Variants in TUSC3 observed in about 807,000 individuals in gnomAD.
TUSC3 encodes the protein tumor suppressor candidate 3.
Under a neutral mutation model 44.8 loss-of-function variants are expected in TUSC3, and 45 were observed. That is an observed-to-expected ratio of 1.00 (90% CI 0.79 to 1.29). TUSC3 has a LOEUF of 1.29. Among genes scored for constraint, TUSC3 ranks in the 50% most tolerant of loss-of-function variants. The probability of loss-of-function intolerance (pLI) is 0.00; values close to 1 mark genes in which losing one functional copy is unlikely to be tolerated. For synonymous variants in TUSC3, 212 were observed against 152.9 expected (o/e 1.39, Z -2.85); for missense variants, 519 against 437.9 (o/e 1.19, Z -1.65).
At chr8:15,742,802 G>C (rs1002103319) in intron 7 of TUSC3, among the ~76,000 whole-genome samples, 1 of 152,148 alleles carries the variant, frequency 6.6e-6, no homozygotes, top group African/African-American at 2.4e-5. Flanking sequence ...CTTAAGAGTC[G>C]ACAATGTGAA....
intron 2 of TUSC3, among the ~76,000 whole-genome samples, chr8:15,647,375 T>G (rs1806679470): frequency 6.6e-6 from 1 of 152,186 alleles, no homozygotes; most frequent in Non-Finnish European, 1.5e-5. Flanking sequence ...TATTTGAACC[T>G]TGTCTCTTAT....
chr8:15,763,300 G>A (rs1024782636), intron 10 of TUSC3, among the ~76,000 whole-genome samples: 4 of 151,508 alleles, frequency 2.6e-5, no homozygotes, highest in East Asian at 3.9e-4. Flanking sequence ...TCAGAAAGAC[G>A]AAACAATTTA....
rs916838189 is a variant in TUSC3 at position 15,748,262 on chromosome 8, C to T, written c.938-113C>T. ...TACCTGTTTGTTGTACCTGTATGTA[C>T]CATGAACTGTTAAATGTAAGTATAC... On this transcript the variant is annotated intron_variant, in intron 8 of 10. Coordinates refer to ENST00000503731, the MANE Select transcript of TUSC3 (RefSeq NM_006765.4). 3.1e-5 allele frequency: 25 copies of T among 819,038 alleles called. 1 individual carries two copies. In the Middle Eastern group the frequency reaches 2.2e-3, roughly 72 times the overall value. 50.7% of individuals were successfully genotyped at this position (819,038 alleles called of 1,614,324 possible). A position where few individuals can be genotyped will look rare whatever the true frequency, so the allele number is the denominator to read the frequency against.
chr8:15,524,861 A>T (rs1443597252), intron 2 of TUSC3, among the ~76,000 whole-genome samples: 1 of 152,206 alleles, frequency 6.6e-6, no homozygotes, highest in East Asian at 1.9e-4. Flanking sequence ...TAAGCCAGAC[A>T]TTGGCAAAAA....
chr8:15,727,456 A>AT (rs1810543055), intron 6 of TUSC3, among the ~76,000 whole-genome samples: 1 of 152,094 alleles, frequency 6.6e-6, no homozygotes, highest in Non-Finnish European at 1.5e-5. Context: ...TAACTGCTGG[A>AT]TTTCTGTTGC....
chr8:15,668,466 C>T (rs1369445452), intron 5 of TUSC3, among the ~76,000 whole-genome samples: 1 of 151,622 alleles, frequency 6.6e-6, no homozygotes, highest in Non-Finnish European at 1.5e-5. Flanking sequence ...CTATGAAGAA[C>T]CATGTGGAGA....
At chr8:15,420,857 C>T (rs58900200) in intron 1 of TUSC3, among the ~76,000 whole-genome samples, 73 of 152,098 alleles carry the variant, frequency 4.8e-4, no homozygotes, top group African/African-American at 1.7e-3. Context: ...TATGTTGATT[C>T]GCTTCTCCCT....
chr8:15,800,775 C>T, the TUSC3 span, among the ~76,000 whole-genome samples: 87 of 152,186 alleles, frequency 5.7e-4, no homozygotes, highest in African/African-American at 2.0e-3. Flanking sequence ...GCTATAGTAA[C>T]ACCCTTTTTC....
At chr8:15,455,132 C>A (rs1169523177) in intron 1 of TUSC3, among the ~76,000 whole-genome samples, 1 of 152,068 alleles carries the variant, frequency 6.6e-6, no homozygotes, top group African/African-American at 2.4e-5. Flanking sequence ...TTTGCTTATC[C>A]CTACCATTGC....
intron 8 of TUSC3, among the ~76,000 whole-genome samples, chr8:15,747,006 G>C (rs1376341741): frequency 2.0e-5 from 3 of 151,900 alleles, no homozygotes; most frequent in East Asian, 3.9e-4. Flanking sequence ...CATGAGTGTT[G>C]TCTGAAATGA....
At chr8:15,603,702 C>T (rs777811576) in intron 1 of TUSC3, among the ~76,000 whole-genome samples, 1 of 151,424 alleles carries the variant, frequency 6.6e-6, no homozygotes, top group African/African-American at 2.4e-5. Flanking sequence ...TGAACTGTGT[C>T]TTGAGATATC....
the TUSC3 span, among the ~76,000 whole-genome samples, chr8:15,802,139 T>C: frequency 1.3e-5 from 2 of 152,156 alleles, no homozygotes; most frequent in Non-Finnish European, 2.9e-5. Flanking sequence ...GAAAGAGGGA[T>C]GCCCGAGACT....
At chr8:15,436,200 G>C (rs1462271399) in intron 1 of TUSC3, among the ~76,000 whole-genome samples, 1 of 152,162 alleles carries the variant, frequency 6.6e-6, no homozygotes, top group African/African-American at 2.4e-5. Context: ...CATGGCAGAA[G>C]CCACGTTGCC....
intron 2 of TUSC3, among the ~76,000 whole-genome samples, chr8:15,510,129 C>T (rs1416270079): frequency 3.3e-5 from 5 of 152,120 alleles, no homozygotes; most frequent in African/African-American, 1.2e-4. Flanking sequence ...GCTATGATCA[C>T]ACCACTGAAG....
chr8:15,552,246 G>A (rs1024446951), intron 1 of TUSC3, among the ~76,000 whole-genome samples: 1 of 151,784 alleles, frequency 6.6e-6, no homozygotes, highest in Non-Finnish European at 1.5e-5. Flanking sequence ...TGAACAAAGT[G>A]CCAAGTTATT....
intron 1 of TUSC3, among the ~76,000 whole-genome samples, chr8:15,619,214 CT>C (rs1273697090): frequency 6.6e-6 from 1 of 152,080 alleles, no homozygotes; most frequent in African/African-American, 2.4e-5. Flanking sequence ...CTTATTTTCA[CT>C]ATGATTTGAT....
At chr8:15,703,798 C>G (rs1482947517) in intron 6 of TUSC3, among the ~76,000 whole-genome samples, 1 of 152,124 alleles carries the variant, frequency 6.6e-6, no homozygotes, top group African/African-American at 2.4e-5. Flanking sequence ...AACTCCTCCT[C>G]TCAAGCCCCA....
At chr8:15,828,884 G>A in the TUSC3 span, among the ~76,000 whole-genome samples, 1 of 151,888 alleles carries the variant, frequency 6.6e-6, no homozygotes, top group East Asian at 1.9e-4. Context: ...GAGGAGGAAG[G>A]GAAGCCAAGC....
intron 1 of TUSC3, among the ~76,000 whole-genome samples, chr8:15,543,257 T>C (rs1801750282): frequency 1.3e-5 from 2 of 152,292 alleles, no homozygotes; most frequent in Admixed American, 1.3e-4. Context: ...TATTGACATA[T>C]GTACCAGAGT....
Sources: allele counts gnomAD v4.1 joint callset (sites outside exome capture counted in the v4.1 genomes callset), GRCh38; gene constraint gnomAD v4.1.1; transcripts MANE v1.5; gene names NCBI Gene and HGNC (gene_info 2026-07-23, HGNC 2026-07-21).